The following RHO variants were observed in gnomAD, a reference collection of about 807,000 sequenced individuals.
RHO encodes the protein opsin 2, rod pigment.
Under a neutral mutation model 31.2 loss-of-function variants are expected in RHO, and 21 were observed. The ratio of observed to expected loss-of-function variants is 0.67; its 90% confidence interval spans 0.48 to 0.97. RHO has a LOEUF of 0.97. Among genes scored for constraint, RHO ranks in the 50% least tolerant of loss-of-function variants. The pLI, the probability that RHO is intolerant of heterozygous loss-of-function variation, is 0.00. For missense variants in RHO, 414 were observed against 479.5 expected, an observed-to-expected ratio of 0.86 and a Z score of 1.28; for synonymous variants, 211 against 196.6, an observed-to-expected ratio of 1.07 and a Z score of -0.61.
rs2084788202 is a variant in RHO at position 129,532,483 on chromosome 3, C to T, written c.697-50C>T. On this transcript the variant is annotated intron_variant, in intron 3 of 4. Coordinates refer to ENST00000296271, the MANE Select transcript of RHO (RefSeq NM_000539.3). The surrounding 1 kb of genome is among the most constrained non-coding windows in gnomAD (Gnocchi z 5.5). The stretch of plus-strand genomic sequence containing the variant: ...CAGCCCCCAGCATGCATCTGCGGCT[C>T]CTGCTCCCTGGAGGAGCCATGGTCT... 2.5e-6 allele frequency: 4 copies of T among 1,613,702 alleles called. No homozygotes were observed. The highest frequency in any genetic ancestry group is 3.4e-6 in the Non-Finnish European group (4 of 1,180,006).
rs372128112 is a variant in RHO, at chr3:129,529,104, G to A, written c.361+10G>A. ...TTTGCCACCCTGGGCGGTATGAGCC[G>A]GGTGTGGGTGGGGTGTGCAGGAGCC... On this transcript the variant is annotated intron_variant, in intron 1 of 4. Coordinates refer to ENST00000296271, the MANE Select transcript of RHO (RefSeq NM_000539.3). 7.8e-5 allele frequency: 126 copies of A among 1,608,244 alleles called. No individual in the cohort carries two copies. Among genetic ancestry groups the A allele is most frequent in the Non-Finnish European group, 9.7e-5 (114 of 1,177,748 alleles).
At chr3:129,529,558 CA>C (rs1164108567) in intron 1 of RHO, among the ~76,000 whole-genome samples, 3 of 152,202 alleles carry the variant, frequency 2.0e-5, no homozygotes, top group African/African-American at 7.2e-5. Flanking sequence ...TCTGGGGGCC[CA>C]AGCTCAGGGT....
At position 129,528,893 on chromosome 3, in the gene RHO, A is replaced by G. The variant is rs755190538; in HGVS notation, c.160A>G (p.Ile54Val). ...MFLLIVLGFPINFLTLYVTVQ... is the reference protein window; with the variant it reads ...MFLLIVLGFPVNFLTLYVTVQ... Reference sequence around the variant, plus strand: ...TCTGCTGATCGTGCTGGGCTTCCCCATCAACTTCCTCACGCTCTACGTCAC... The same window carrying G: ...TCTGCTGATCGTGCTGGGCTTCCCCGTCAACTTCCTCACGCTCTACGTCAC... The change falls in exon 1 of 5, where the codon ATC becomes GTC. Residue 54 changes from isoleucine (I) to valine (V), a missense_variant. Coordinates refer to ENST00000296271, the MANE Select transcript of RHO (RefSeq NM_000539.3). 1.2e-6 allele frequency: 2 copies of G among 1,614,220 alleles called. No individual in the cohort carries two copies. Among genetic ancestry groups the G allele is most frequent in the Middle Eastern group, 1.6e-4 (1 of 6,062 alleles).
At chr3:129,533,082 C>T (rs1185001327) in intron 4 of RHO, among the ~76,000 whole-genome samples, 3 of 152,002 alleles carry the variant, frequency 2.0e-5, no homozygotes, top group African/African-American at 7.3e-5. Context: ...CAGAAGGACC[C>T]AAGTCGGGAA....
At position 129,532,435 on chromosome 3, in the gene RHO, G is replaced by A. The variant is rs369198420; in HGVS notation, c.696+19G>A. On this transcript the variant is annotated intron_variant, in intron 3 of 4. Coordinates refer to ENST00000296271, the MANE Select transcript of RHO (RefSeq NM_000539.3). The surrounding 1 kb of genome is among the most constrained non-coding windows in gnomAD (Gnocchi z 5.5). ...CAAGGAGGTACGGGCCGGGGGGTGG[G>A]CGGCCTCACGGCTCTGAGGGTCCAG... is the stretch of plus-strand genomic sequence containing the variant. 1.2e-6 allele frequency: 2 copies of A among 1,613,758 alleles called. No individual in the cohort carries two copies. Among genetic ancestry groups the A allele is most frequent in the African/African-American group, 1.3e-5 (1 of 74,990 alleles).
intron 1 of RHO, among the ~76,000 whole-genome samples, chr3:129,530,506 A>AACAC (rs146327704): frequency 4.8e-4 from 63 of 132,314 alleles, no homozygotes; most frequent in African/African-American, 1.5e-3. Flanking sequence ...TCTTCTGCTA[A>AACAC]ACACACACAC....
At chr3:129,531,319 C>T (rs539172762) in intron 2 of RHO, among the ~76,000 whole-genome samples, 51 of 152,348 alleles carry the variant, frequency 3.3e-4, no homozygotes, top group African/African-American at 1.2e-3. Context: ...CTAAGCTAGG[C>T]GCAAATTCCA....
rs2084783925 is a variant in RHO at position 129,532,050 on chromosome 3, C to T, written c.531-201C>T. 6.6e-6 allele frequency among the ~76,000 whole-genome samples: 1 copy of T among 152,200 alleles called. No homozygotes were observed. Among genetic ancestry groups the T allele is most frequent in the African/African-American group, 2.4e-5 (1 of 41,442 alleles). The stretch of plus-strand genomic sequence containing the variant: ...GTCATCTGGTAACGCAGCCACCAAA[C>T]AATGAAGCGACACTGATTCCACAAG... On this transcript the variant is annotated intron_variant, in intron 2 of 4. Transcript: ENST00000296271. The surrounding 1 kb of genome is among the most constrained non-coding windows in gnomAD (Gnocchi z 5.5).
chr3:129,530,533 A>ACACAACACACACACACACACAC (rs1553781099), intron 1 of RHO, among the ~76,000 whole-genome samples: 3 of 122,918 alleles, frequency 2.4e-5, no homozygotes, highest in African/African-American at 1.2e-4. Context: ...ACACACACAC[A>ACACAACACACACACACACACAC]ACACACACAC....
rs145004306 is a variant in RHO at position 129,532,712 on chromosome 3, G to A, written c.876G>A (p.Ala292=). ...NFGPIFMTIP[A]FFAKSAAIYN... ...GTCCCATCTTCATGACCATCCCAGC[G>A]TTCTTTGCCAAGAGCGCCGCCATCT... The change falls in exon 4 of 5, where the codon GCG becomes GCA. Residue 292 remains alanine, a synonymous_variant. Transcript: ENST00000296271. The surrounding 1 kb of genome is among the most constrained non-coding windows in gnomAD (Gnocchi z 5.5). 72 of 1,614,238 alleles carry A rather than the reference G, an allele frequency of 4.5e-5. No homozygotes were observed. Among genetic ancestry groups the A allele is most frequent in the East Asian group, 1.1e-4 (5 of 44,876 alleles).
intron 4 of RHO, 131 bp from the exon 5 acceptor site, chr3:129,533,477 T>G: frequency 1.3e-6 from 1 of 782,180 alleles, no homozygotes. Flanking sequence ...GGAAGCTGGA[T>G]TTGAGTGGAT....
Position 129,532,430 on chromosome 3 carries a change from G to T in RHO, c.696+14G>T, listed in dbSNP as rs764590515. ...ACCGTCAAGGAGGTACGGGCCGGGG[G>T]GTGGGCGGCCTCACGGCTCTGAGGG... is the stretch of plus-strand genomic sequence containing the variant. On this transcript the variant is annotated intron_variant, in intron 3 of 4. Coordinates refer to ENST00000296271, the MANE Select transcript of RHO (RefSeq NM_000539.3). The surrounding 1 kb of genome is among the most constrained non-coding windows in gnomAD (Gnocchi z 5.5). 3 of 1,613,822 alleles carry T rather than the reference G, an allele frequency of 1.9e-6. No individual in the cohort carries two copies. The Admixed American group carries it at 5.0e-5, about 27-fold the overall frequency.
chr3:129,530,695 C>T (rs1013090672), intron 1 of RHO, among the ~76,000 whole-genome samples, 181 bp from the exon 2 acceptor site: 2 of 152,196 alleles, frequency 1.3e-5, no homozygotes, highest in Non-Finnish European at 2.9e-5. Context: ...CTCTCCTCAG[C>T]GTGTGGTCCC....
At chr3:129,533,527 T>G (rs2084799532) in intron 4 of RHO, 81 bp from the exon 5 acceptor site, 3 of 1,042,544 alleles carry the variant, frequency 2.9e-6, no homozygotes, top group South Asian at 2.5e-5. Flanking sequence ...AGGCAAAGGG[T>G]CGGGGCGAAC....
At position 129,528,851 on chromosome 3, in the gene RHO, C is replaced by G; in HGVS notation, c.118C>G (p.Leu40Val). 1 of 1,614,258 alleles carries G rather than the reference C, an allele frequency of 6.2e-7. No homozygotes were observed. The highest frequency in any genetic ancestry group is 8.5e-7 in the Non-Finnish European group (1 of 1,180,052). ...YLAEPWQFSM[L>V]AAYMFLLIVL... ...GGCTGAGCCATGGCAGTTCTCCATGCTGGCCGCCTACATGTTTCTGCTGAT... is the reference window on the plus strand; with the variant it reads ...GGCTGAGCCATGGCAGTTCTCCATGGTGGCCGCCTACATGTTTCTGCTGAT... Residue 40 changes from leucine to valine, a missense_variant, in exon 1 of 5, where the codon CTG becomes GTG. Physicochemically the swap from Leu to Val is conservative, Grantham distance 32 (BLOSUM62 1). Transcript: ENST00000296271.
rs1450936021 is a variant in RHO at position 129,534,960 on chromosome 3, C to T, written c.*1242C>T. On this transcript the variant is annotated 3_prime_UTR_variant, in exon 5 of 5. Coordinates refer to ENST00000296271, the MANE Select transcript of RHO (RefSeq NM_000539.3). ...TTCCAGTTTCCCTTGCCAGACAAGC[C>T]CATCTTCAGCAGTTGCTAGTCCATT... The T allele has an allele frequency of 6.6e-6, 1 of 152,630 alleles. No homozygotes were observed. The highest frequency in any genetic ancestry group is 2.4e-5 in the African/African-American group (1 of 41,454). The allele number at this position is 152,630 out of a possible 1,614,324, so 9.5% of individuals were successfully genotyped here.
intron 1 of RHO, 43 bp from the exon 2 acceptor site, chr3:129,530,833 A>T: frequency 6.2e-7 from 1 of 1,612,144 alleles, no homozygotes; most frequent in Middle Eastern, 1.7e-4. Context: ...CACCCTCCTT[A>T]GGCAGTGGGG....
intron 1 of RHO, 96 bp from the exon 2 acceptor site, chr3:129,530,780 T>C (rs2084774041): frequency 6.8e-7 from 1 of 1,480,268 alleles, no homozygotes; most frequent in Non-Finnish European, 9.4e-7. Flanking sequence ...CTCCCACTCC[T>C]GGTTGCCTTC....
rs1288103396 is a variant in RHO at position 129,531,181 on chromosome 3, G to A, written c.530+137G>A. ...TGGCCCAAATGCCCACTCAGGGTAG[G>A]GGTGTAGGGCAGAAGAAGAAACAGA... On this transcript the variant is annotated intron_variant, in intron 2 of 4. Coordinates refer to ENST00000296271, the MANE Select transcript of RHO (RefSeq NM_000539.3). 8.2e-6 allele frequency: 8 copies of A among 978,660 alleles called. No individual in the cohort carries two copies. The East Asian group carries it at 1.8e-4, about 22-fold the overall frequency. 60.6% of individuals were successfully genotyped at this position (978,660 alleles called of 1,614,324 possible). A position where few individuals can be genotyped will look rare whatever the true frequency, so the allele number is the denominator to read the frequency against.
Sources: allele counts gnomAD v4.1 joint callset (sites outside exome capture counted in the v4.1 genomes callset), GRCh38; gene constraint gnomAD v4.1.1; non-coding constraint Gnocchi (gnomAD v3.1); transcripts MANE v1.5; gene names NCBI Gene and HGNC (gene_info 2026-07-23, HGNC 2026-07-21).